GPHN: variants seen among roughly 807,000 people sequenced by gnomAD.
The protein encoded by GPHN is gephyrin.
In GPHN, 17 loss-of-function variants were observed where a neutral mutation model predicts 95.5. That is an observed-to-expected ratio of 0.18 (90% CI 0.12 to 0.27). The LOEUF (loss-of-function observed/expected upper bound fraction) is 0.27, where lower values mean the gene tolerates loss of function less well. GPHN is among the 10% of genes least tolerant of loss of function. GPHN has a pLI of 1.00. For missense variants in GPHN, 660 were observed against 978.1 expected (o/e 0.67, Z 4.34); for synonymous variants, 320 against 322.5 (o/e 0.99, Z 0.08).
chr14:66,585,907 G>C (rs2061400689), intron 1 of GPHN, among the ~76,000 whole-genome samples: 1 of 152,104 alleles, frequency 6.6e-6, no homozygotes, highest in Admixed American at 6.5e-5. Flanking sequence ...TATTAGGTCT[G>C]CTTGGTGCAG....
the GPHN span, among the ~76,000 whole-genome samples, chr14:67,217,519 G>A: frequency 6.6e-6 from 1 of 152,064 alleles, no homozygotes; most frequent in African/African-American, 2.4e-5. Flanking sequence ...TTTTGCAGTT[G>A]AGTGATTTTC....
chr14:66,585,532 A>G (rs2061385141), intron 1 of GPHN, among the ~76,000 whole-genome samples: 2 of 152,150 alleles, frequency 1.3e-5, no homozygotes, highest in Admixed American at 6.5e-5. Flanking sequence ...ATTTAGTGCT[A>G]TAAATTTCCC....
chr14:67,053,868 A>G (rs2075425950), intron 10 of GPHN, among the ~76,000 whole-genome samples: 1 of 152,248 alleles, frequency 6.6e-6, no homozygotes, highest in Non-Finnish European at 1.5e-5. Context: ...AAACCGCATG[A>G]TTATCTCAAT....
In GPHN at chr14:67,113,024, C is replaced by T. The variant is rs764075352; in HGVS notation, c.1479C>T (p.Ile493=). Residue 493 remains isoleucine, a synonymous_variant, in exon 16 of 23, where the codon ATC becomes ATT. Coordinates refer to ENST00000478722, the MANE Select transcript of GPHN (RefSeq NM_020806.5). Reference sequence around the variant, plus strand: ...GTTCTGCTTTGACTTTCAGACCCATCGGCCATGACATTAAAAGAGGGGAAT... The same window carrying T: ...GTTCTGCTTTGACTTTCAGACCCATTGGCCATGACATTAAAAGAGGGGAAT... ...QARPGQDIRP[I]GHDIKRGECV... The T allele has an allele frequency of 1.9e-6, 3 of 1,613,582 alleles. No individual in the cohort carries two copies. The highest frequency in any genetic ancestry group is 1.1e-5 in the South Asian group (1 of 91,070).
At chr14:67,282,901 G>T in the GPHN span, among the ~76,000 whole-genome samples, 2 of 152,170 alleles carry the variant, frequency 1.3e-5, no homozygotes, top group South Asian at 4.1e-4. Flanking sequence ...AGATTTCACT[G>T]TTTTTGTGTT....
At chr14:67,273,400 G>C in the GPHN span, among the ~76,000 whole-genome samples, 3 of 151,682 alleles carry the variant, frequency 2.0e-5, no homozygotes, top group African/African-American at 7.3e-5. Context: ...GTGAAAATTT[G>C]CTCAGAATGA....
the GPHN span, among the ~76,000 whole-genome samples, chr14:67,280,792 TTTCCTTCC>T: frequency 0.015 from 1,185 of 77,618 alleles, 16 homozygotes; most frequent in East Asian, 0.026. Context: ...TCTGGAGCAG[TTTCCTTCC>T]TTCCTTCCTT....
chr14:66,908,896 A>G (rs111360867), intron 5 of GPHN, among the ~76,000 whole-genome samples: 78 of 152,180 alleles, frequency 5.1e-4, no homozygotes, highest in African/African-American at 1.6e-3. Flanking sequence ...AAGGTCATCA[A>G]AAACAAGGAA....
chr14:67,119,746 C>T (rs1011492206), intron 16 of GPHN, among the ~76,000 whole-genome samples: 2 of 152,264 alleles, frequency 1.3e-5, no homozygotes, highest in East Asian at 1.9e-4. Context: ...GCCGAGATCA[C>T]GCCATTGCAC....
intron 2 of GPHN, among the ~76,000 whole-genome samples, chr14:66,770,236 T>A (rs906352295): frequency 4.6e-5 from 7 of 152,238 alleles, no homozygotes; most frequent in Admixed American, 1.3e-4. Flanking sequence ...TAGACCTTTG[T>A]CAGATGCATA....
the GPHN span, chr14:67,382,739 C>T: frequency 1.1e-5 from 9 of 810,368 alleles, no homozygotes; most frequent in East Asian, 5.2e-5. Flanking sequence ...GGTCACCCCC[C>T]GTCCCCAGCC....
chr14:67,010,918 T>TTGAAAACA (rs1348049878), intron 9 of GPHN, among the ~76,000 whole-genome samples: 1 of 152,162 alleles, frequency 6.6e-6, no homozygotes, highest in East Asian at 1.9e-4. Flanking sequence ...AATATATGGG[T>TTGAAAACA]TGAAAACATT....
chr14:66,985,716 C>G, intron 9 of GPHN: 11 of 1,530,190 alleles, frequency 7.2e-6, no homozygotes, highest in Non-Finnish European at 9.6e-6. Flanking sequence ...AAAGGAGTTG[C>G]TAGTAGAGTT....
At chr14:67,484,117 A>T in the GPHN span, among the ~76,000 whole-genome samples, 2 of 152,162 alleles carry the variant, frequency 1.3e-5, no homozygotes, top group African/African-American at 2.4e-5. Flanking sequence ...CCTCTCTGTC[A>T]CTCACATCAT....
At position 67,113,018 on chromosome 14, in the gene GPHN, A is replaced by G. The variant is rs760720975; in HGVS notation, c.1473A>G (p.Arg491=). Residue 491 remains arginine, a splice_region_variant and synonymous_variant, in exon 16 of 23, where the codon AGA becomes AGG. Coordinates refer to ENST00000478722, the MANE Select transcript of GPHN (RefSeq NM_020806.5). ...CTTATGGTTCTGCTTTGACTTTCAG[A>G]CCCATCGGCCATGACATTAAAAGAG... ...LVQARPGQDI[R]PIGHDIKRGE... is the part of the protein sequence containing the mutation. 32 of 1,613,500 alleles carry G rather than the reference A, an allele frequency of 2.0e-5. No homozygotes were observed. Among genetic ancestry groups the G allele is most frequent in the Non-Finnish European group, 2.5e-5 (30 of 1,179,656 alleles).
At chr14:67,068,038 G>T (rs111377188) in intron 11 of GPHN, among the ~76,000 whole-genome samples, 5 of 152,100 alleles carry the variant, frequency 3.3e-5, no homozygotes, top group Non-Finnish European at 5.9e-5. Flanking sequence ...TTCTGCGTCG[G>T]TCATGCTGGG....
At chr14:67,139,212 T>G (rs1475237821) in intron 17 of GPHN, among the ~76,000 whole-genome samples, 4 of 149,996 alleles carry the variant, frequency 2.7e-5, no homozygotes, top group Non-Finnish European at 5.9e-5. Flanking sequence ...AACAAAGCAA[T>G]ACTCCATCTC....
At chr14:67,175,872 C>T (rs1415297594) in intron 21 of GPHN, among the ~76,000 whole-genome samples, 1 of 152,126 alleles carries the variant, frequency 6.6e-6, no homozygotes. Context: ...TGATTTGGCT[C>T]TCTGTTTGTG....
chr14:67,241,901 G>T, the GPHN span: 1 of 152,316 alleles, frequency 6.6e-6, no homozygotes, highest in South Asian at 2.1e-4. Context: ...GGACTCTCCC[G>T]GCCGGGTCTG....
Sources: allele counts gnomAD v4.1 joint callset (sites outside exome capture counted in the v4.1 genomes callset), GRCh38; gene constraint gnomAD v4.1.1; transcripts MANE v1.5; gene names NCBI Gene and HGNC (gene_info 2026-07-23, HGNC 2026-07-21).